PKNOX2: variants seen among roughly 807,000 people sequenced by gnomAD.
The protein encoded by PKNOX2 is PBX/knotted 1 homeobox 2.
Under a neutral mutation model 53.1 loss-of-function variants are expected in PKNOX2, and 14 were observed. The observed-to-expected ratio is 0.26, with a 90% confidence interval of 0.17 to 0.41. PKNOX2 has a LOEUF of 0.41. PKNOX2 is among the 10% of genes least tolerant of loss of function. PKNOX2 has a pLI of 1.00. For synonymous variants in PKNOX2, 257 were observed against 242.8 expected, an observed-to-expected ratio of 1.06 and a Z score of -0.54; for missense variants, 496 against 602.8, an observed-to-expected ratio of 0.82 and a Z score of 1.85.
chr11:125,249,854 CAGGTTGGGAGTTCA>C (rs1181007597), intron 2 of PKNOX2, among the ~76,000 whole-genome samples: 2 of 152,054 alleles, frequency 1.3e-5, no homozygotes, highest in African/African-American at 4.8e-5. Flanking sequence ...TGGATCACCT[CAGGTTGGGAGTTCA>C]AGACCAGCTT....
At position 125,368,345 on chromosome 11, in the gene PKNOX2, A is replaced by G. The variant is rs367683631; in HGVS notation, c.227+360A>G. ...TTGCTTTCCCTCCATCAAGCCCACC[A>G]GAGCACTGGACCTCTGACCGCACCC... is the stretch of plus-strand genomic sequence containing the variant. On this transcript the variant is annotated intron_variant, in intron 5 of 12. Transcript: ENST00000298282. Among the ~76,000 whole-genome samples the G allele has an allele frequency of 3.2e-4, 49 of 152,282 alleles. 2 individuals carry two copies. In the South Asian group the frequency reaches 9.5e-3, roughly 30 times the overall value.
chr11:125,424,501 C>G (rs565676162), intron 10 of PKNOX2, among the ~76,000 whole-genome samples: 1 of 152,242 alleles, frequency 6.6e-6, no homozygotes, highest in Non-Finnish European at 1.5e-5. Context: ...GGAACCACCC[C>G]AGAGTGGTGG....
chr11:125,398,459 G>A (rs1954545806), intron 7 of PKNOX2, among the ~76,000 whole-genome samples: 1 of 152,186 alleles, frequency 6.6e-6, no homozygotes, highest in African/African-American at 2.4e-5. Context: ...TCTGGGAAAG[G>A]GCATTTGGGG....
At chr11:125,228,214 T>C (rs1327076807) in intron 1 of PKNOX2, among the ~76,000 whole-genome samples, 2 of 152,276 alleles carry the variant, frequency 1.3e-5, no homozygotes, top group Non-Finnish European at 2.9e-5. Flanking sequence ...AGCCACTAGC[T>C]ACATGTGCTG....
intron 2 of PKNOX2, among the ~76,000 whole-genome samples, chr11:125,302,775 T>G (rs1364832255): frequency 6.6e-6 from 1 of 152,048 alleles, no homozygotes; most frequent in Non-Finnish European, 1.5e-5. Flanking sequence ...CAAAGGGAGG[T>G]GCCGTGTTCC....
rs118179199 is a variant in PKNOX2, at chr11:125,383,277, G to A, written c.228-2274G>A. Among the ~76,000 whole-genome samples, 300 of 152,082 alleles carry A rather than the reference G, an allele frequency of 2.0e-3. 1 individual carries two copies. The highest frequency in any genetic ancestry group is 3.0e-3 in the Non-Finnish European group (205 of 67,990). ...AGTCCTTCTCTGTGTGCTCCGTCACGGTGTGCTGGAGGGGAGACCATTGCC... is the reference window on the plus strand; with the variant it reads ...AGTCCTTCTCTGTGTGCTCCGTCACAGTGTGCTGGAGGGGAGACCATTGCC... On this transcript the variant is annotated intron_variant, in intron 5 of 12. Coordinates refer to ENST00000298282, the MANE Select transcript of PKNOX2 (RefSeq NM_001382323.2).
At chr11:125,167,441 C>T (rs994414462) in intron 1 of PKNOX2, among the ~76,000 whole-genome samples, 1 of 152,078 alleles carries the variant, frequency 6.6e-6, no homozygotes, top group African/African-American at 2.4e-5. Context: ...AGCTCTCTCC[C>T]GCTGAGAGCC....
intron 2 of PKNOX2, among the ~76,000 whole-genome samples, chr11:125,286,333 G>T (rs936725776): frequency 6.6e-6 from 1 of 152,148 alleles, no homozygotes; most frequent in Non-Finnish European, 1.5e-5. Flanking sequence ...ATACCCTAAA[G>T]GTATTAGGAA....
chr11:125,338,495 C>CCCGTTT lies in PKNOX2; in HGVS notation c.-23+6573_-23+6578dup, dbSNP rs1461655028. Among the ~76,000 whole-genome samples, 7 of 152,290 alleles carry CCCGTTT rather than the reference C, an allele frequency of 4.6e-5. No individual in the cohort carries two copies. The South Asian group carries it at 1.5e-3, about 32-fold the overall frequency. ...TGGGGAGTCATCTTAGAAGAGTAGCCCCGTTTCCTTCTCCTTCCCATCCCA... is the reference window on the plus strand; with the variant it reads ...TGGGGAGTCATCTTAGAAGAGTAGCCCCGTTTCCGTTTCCTTCTCCTTCCCATCCCA... On this transcript the variant is annotated intron_variant, in intron 3 of 12. Coordinates refer to ENST00000298282, the MANE Select transcript of PKNOX2 (RefSeq NM_001382323.2).
At chr11:125,427,021 C>T (rs1357287261) in intron 10 of PKNOX2, among the ~76,000 whole-genome samples, 1 of 152,172 alleles carries the variant, frequency 6.6e-6, no homozygotes, top group Non-Finnish European at 1.5e-5. Flanking sequence ...CATGAAAGGC[C>T]CTTGCACCTG....
chr11:125,187,911 TG>T (rs1327529171), intron 1 of PKNOX2, among the ~76,000 whole-genome samples: 5 of 152,250 alleles, frequency 3.3e-5, no homozygotes, highest in African/African-American at 1.2e-4. Context: ...GAATCATATT[TG>T]GAGTCTTGCT....
At chr11:125,182,482 T>TA (rs1956210733) in intron 1 of PKNOX2, among the ~76,000 whole-genome samples, 1 of 152,200 alleles carries the variant, frequency 6.6e-6, no homozygotes, top group Non-Finnish European at 1.5e-5. Flanking sequence ...CCAAATGTCT[T>TA]AACTTGAGCC....
At chr11:125,339,225 A>G (rs1950563770) in intron 3 of PKNOX2, among the ~76,000 whole-genome samples, 1 of 152,152 alleles carries the variant, frequency 6.6e-6, no homozygotes, top group Non-Finnish European at 1.5e-5. Flanking sequence ...GCCTCAGAGG[A>G]TGTGGGTAAT....
At chr11:125,182,214 G>A (rs688924) in intron 1 of PKNOX2, among the ~76,000 whole-genome samples, 30,612 of 152,170 alleles carry the variant, frequency 0.2, 3,577 homozygotes, top group South Asian at 0.32. Context: ...GTCTGTTTCT[G>A]TGGTCCCCCC....
rs767070311 is a variant in PKNOX2 at position 125,410,866 on chromosome 11, A to G, written c.806A>G (p.Gln269Arg). Residue 269 changes from glutamine (Q) to arginine (R), a missense_variant, in exon 9 of 13, where the codon CAG becomes CGG. Physicochemically the swap from Gln to Arg is conservative, Grantham distance 43. This residue lies in a region of PKNOX2 where 141 missense variants were observed against 143.9 expected (regional missense o/e 0.98). Transcript: ENST00000298282. The part of the protein sequence containing the change: ...QAIPQGAIQI[Q>R]NTQVNLDLTS... ...ATCCCCCAGGGAGCCATCCAGATCC[A>G]GAACACACAGGTGAGTGTGTGTAGG... 83 of 1,613,734 alleles carry G rather than the reference A, an allele frequency of 5.1e-5. No individual in the cohort carries two copies. The highest frequency in any genetic ancestry group is 6.4e-5 in the Non-Finnish European group (76 of 1,179,730).
chr11:125,338,389 A>G (rs1049202664), intron 3 of PKNOX2, among the ~76,000 whole-genome samples: 7 of 152,164 alleles, frequency 4.6e-5, no homozygotes, highest in Non-Finnish European at 8.8e-5. Flanking sequence ...GGAGACAGCC[A>G]GGCCCTAAAC....
chr11:125,275,741 T>C (rs756947152), intron 2 of PKNOX2, among the ~76,000 whole-genome samples: 4 of 152,018 alleles, frequency 2.6e-5, no homozygotes, highest in Non-Finnish European at 4.4e-5. Context: ...TGGTGTAGGA[T>C]CTGAGGGGAG....
chr11:125,269,366 T>C (rs1449791710), intron 2 of PKNOX2, among the ~76,000 whole-genome samples: 3 of 152,234 alleles, frequency 2.0e-5, no homozygotes. Context: ...TCTTTATATT[T>C]ATGCTTTCTC....
At chr11:125,208,820 G>A (rs920612327) in intron 1 of PKNOX2, among the ~76,000 whole-genome samples, 2 of 152,056 alleles carry the variant, frequency 1.3e-5, no homozygotes, top group Non-Finnish European at 2.9e-5. Flanking sequence ...GCAGGTTCAG[G>A]GAGCGAGAGG....
Sources: gnomAD v4.1 joint callset for allele counts (sites outside exome capture counted in the v4.1 genomes callset) on GRCh38, gnomAD v4.1.1 for gene constraint, gnomAD v4.1.1 regional missense constraint, MANE v1.5 for transcripts, NCBI Gene and HGNC (gene_info 2026-07-23, HGNC 2026-07-21) for gene names.